Variants in EBF1 observed in about 807,000 individuals in gnomAD.
The protein encoded by EBF1 is EBF transcription factor 1.
EBF1 carries 10 observed loss-of-function variants against 68.4 expected under a neutral mutation model. That is an observed-to-expected ratio of 0.15 (90% confidence interval 0.09 to 0.25). The LOEUF is 0.25. Among genes scored for constraint, EBF1 ranks in the 10% least tolerant of loss-of-function variants. EBF1 has a pLI of 1.00. For synonymous variants in EBF1, 298 were observed against 299.8 expected (o/e 0.99, Z 0.06); for missense variants, 509 against 794.4 (o/e 0.64, Z 4.32).
intron 6 of EBF1, among the ~76,000 whole-genome samples, chr5:159,059,342 ACTGT>A (rs903064257): frequency 6.6e-6 from 1 of 151,950 alleles, no homozygotes; most frequent in African/African-American, 2.4e-5. Context: ...TTTTTAAGCC[ACTGT>A]CTATCAACAA....
At chr5:158,719,576 C>T (rs1435685882) in intron 11 of EBF1, among the ~76,000 whole-genome samples, 1 of 152,158 alleles carries the variant, frequency 6.6e-6, no homozygotes, top group African/African-American at 2.4e-5. Context: ...CTGGCCACAT[C>T]TAGCCTCCTA....
intron 6 of EBF1, among the ~76,000 whole-genome samples, chr5:158,868,107 A>C (rs931940019): frequency 1.3e-5 from 2 of 152,122 alleles, no homozygotes; most frequent in African/African-American, 4.8e-5. Flanking sequence ...CCAAGAAACA[A>C]ACAACATAAA....
At chr5:158,929,444 G>A (rs750805764) in intron 6 of EBF1, among the ~76,000 whole-genome samples, 10 of 152,096 alleles carry the variant, frequency 6.6e-5, no homozygotes, top group African/African-American at 1.2e-4. Context: ...TTCCCTATAC[G>A]AAGAAGTCCC....
chr5:158,855,910 G>A (rs879581040), intron 6 of EBF1, among the ~76,000 whole-genome samples: 2 of 152,136 alleles, frequency 1.3e-5, no homozygotes, highest in Admixed American at 6.5e-5. Context: ...CCAAACACAC[G>A]CACTTGTTCT....
At chr5:158,949,942 T>A (rs1243568808) in intron 6 of EBF1, among the ~76,000 whole-genome samples, 1 of 152,222 alleles carries the variant, frequency 6.6e-6, no homozygotes, top group Non-Finnish European at 1.5e-5. Context: ...TCACACAGTT[T>A]ATAAGTCATG....
At position 158,756,312 on chromosome 5, in the gene EBF1, G is replaced by A. The variant is rs190279544; in HGVS notation, c.1036+21101C>T. On this transcript the variant is annotated intron_variant, in intron 10 of 15. Coordinates refer to ENST00000313708, the MANE Select transcript of EBF1 (RefSeq NM_024007.5). ...GATAGACTATAGCGTGTTTCCCAGG[G>A]TAATCAGTCATCTTGACCTGTGATC... Among the ~76,000 whole-genome samples, 146 of 152,022 alleles carry A rather than the reference G, an allele frequency of 9.6e-4. No homozygotes were observed. In the Middle Eastern group the frequency reaches 0.014, roughly 14 times the overall value.
chr5:158,940,115 C>T (rs1812919057), intron 6 of EBF1, among the ~76,000 whole-genome samples: 1 of 152,158 alleles, frequency 6.6e-6, no homozygotes, highest in East Asian at 1.9e-4. Flanking sequence ...TTTTCTTGTT[C>T]TCACTTCAAT....
chr5:159,079,602 C>CTTT (rs58461083), intron 5 of EBF1, among the ~76,000 whole-genome samples: 24 of 113,634 alleles, frequency 2.1e-4, no homozygotes, highest in South Asian at 6.0e-4. Flanking sequence ...CTCCTTTTAT[C>CTTT]TTTTTTTTTT....
intron 6 of EBF1, among the ~76,000 whole-genome samples, chr5:158,848,439 G>A (rs770958819): frequency 6.6e-6 from 1 of 151,904 alleles, no homozygotes; most frequent in East Asian, 1.9e-4. Context: ...AATATTTTTT[G>A]AGTTTGCTCC....
At chr5:159,036,310 A>T (rs1770045936) in intron 6 of EBF1, among the ~76,000 whole-genome samples, 2 of 152,102 alleles carry the variant, frequency 1.3e-5, no homozygotes, top group Non-Finnish European at 2.9e-5. Flanking sequence ...ACTACTTTAA[A>T]GTTCATATGG....
chr5:158,880,464 T>C (rs1056594797), intron 6 of EBF1, among the ~76,000 whole-genome samples: 3 of 152,168 alleles, frequency 2.0e-5, no homozygotes, highest in Non-Finnish European at 4.4e-5. Context: ...CACTGTCTTA[T>C]ATACACGCTG....
chr5:158,807,936 G>C (rs1781903722), intron 8 of EBF1, among the ~76,000 whole-genome samples: 1 of 152,124 alleles, frequency 6.6e-6, no homozygotes, highest in African/African-American at 2.4e-5. Flanking sequence ...CACAAGTCCT[G>C]CTTTGTGCTT....
chr5:158,719,834 T>A (rs1164968569), intron 11 of EBF1, among the ~76,000 whole-genome samples: 1 of 152,166 alleles, frequency 6.6e-6, no homozygotes, highest in African/African-American at 2.4e-5. Flanking sequence ...AGCCCAGGGA[T>A]GCTTCAGTAA....
At chr5:159,024,997 G>C (rs540138022) in intron 6 of EBF1, among the ~76,000 whole-genome samples, 1 of 152,324 alleles carries the variant, frequency 6.6e-6, no homozygotes, top group East Asian at 1.9e-4. Flanking sequence ...GGCTGTGAAG[G>C]CATTTCAGCT....
intron 9 of EBF1, among the ~76,000 whole-genome samples, chr5:158,788,002 A>T (rs1053854613): frequency 6.6e-6 from 1 of 150,898 alleles, no homozygotes; most frequent in Non-Finnish European, 1.5e-5. Context: ...AACAGTTGCT[A>T]TTAGGGAGCA....
chr5:158,703,602 CAAAAA>C (rs11301371), intron 15 of EBF1, among the ~76,000 whole-genome samples: 3 of 126,388 alleles, frequency 2.4e-5, no homozygotes, highest in African/African-American at 6.0e-5. Flanking sequence ...GTTGCTTTTT[CAAAAA>C]AAAAAAAAAA....
chr5:158,995,167 A>G (rs886913230), intron 6 of EBF1, among the ~76,000 whole-genome samples: 3 of 152,126 alleles, frequency 2.0e-5, no homozygotes, highest in African/African-American at 7.2e-5. Flanking sequence ...AAGTAGTAGA[A>G]AATTGGAGAA....
In EBF1 at chr5:158,711,856, A is replaced by C. The variant is rs562379198; in HGVS notation, c.1549+298T>G. Among the ~76,000 whole-genome samples, 4 of 152,290 alleles carry C rather than the reference A, an allele frequency of 2.6e-5. No homozygotes were observed. The South Asian group carries it at 8.3e-4, about 32-fold the overall frequency. On this transcript the variant is annotated intron_variant, in intron 14 of 15. Transcript: ENST00000313708. The stretch of plus-strand genomic sequence containing the variant: ...TTAGTAACTGGGAGAAGCAGGAGTC[A>C]ACCCGTCTTCATCTAACTCAGAGCA...
At chr5:158,907,914 A>G (rs936811430) in intron 6 of EBF1, among the ~76,000 whole-genome samples, 3 of 152,048 alleles carry the variant, frequency 2.0e-5, no homozygotes, top group Admixed American at 2.0e-4. Context: ...CACCACTACA[A>G]TGAGTTAAGT....
Sources: gnomAD v4.1 joint callset for allele counts (sites outside exome capture counted in the v4.1 genomes callset) on GRCh38, gnomAD v4.1.1 for gene constraint, MANE v1.5 for transcripts, NCBI Gene and HGNC (gene_info 2026-07-23, HGNC 2026-07-21) for gene names.